The following SORBS2 variants were observed in gnomAD, a reference collection of about 807,000 sequenced individuals.
The protein encoded by SORBS2 is sorbin and SH3 domain-containing protein 2.
In SORBS2, 46 loss-of-function variants were observed where a neutral mutation model predicts 97.7. That is an observed-to-expected ratio of 0.47 (90% confidence interval 0.37 to 0.60). SORBS2 has a LOEUF of 0.60. Among genes scored for constraint, SORBS2 ranks in the 20% least tolerant of loss-of-function variants. SORBS2 has a pLI of 0.00. For synonymous variants in SORBS2, 476 were observed against 473.4 expected (o/e 1.01, Z -0.07); for missense variants, 1,316 against 1,282.3 (o/e 1.03, Z -0.40).
chr4:185,907,138 C>CA (rs1401461983), intron 1 of SORBS2, among the ~76,000 whole-genome samples: 902 of 68,564 alleles, frequency 0.013, 8 homozygotes, highest in African/African-American at 0.025. Context: ...TCCATCATAA[C>CA]AAAAAAAAAA....
intron 1 of SORBS2, among the ~76,000 whole-genome samples, chr4:185,903,586 C>A (rs576190102): frequency 6.6e-6 from 1 of 152,114 alleles, no homozygotes; most frequent in Non-Finnish European, 1.5e-5. Context: ...CCCCTGCCAC[C>A]GCCAGATATG....
intron 1 of SORBS2, among the ~76,000 whole-genome samples, chr4:185,884,002 G>C (rs1168784554): frequency 2.6e-5 from 4 of 152,174 alleles, no homozygotes; most frequent in Non-Finnish European, 5.9e-5. Flanking sequence ...AAACCCCAGA[G>C]ACAGAAGTCC....
chr4:185,827,815 AT>A (rs1314556360), intron 1 of SORBS2, among the ~76,000 whole-genome samples: 3 of 149,220 alleles, frequency 2.0e-5, no homozygotes, highest in East Asian at 4.0e-4. Flanking sequence ...CATCACCATC[AT>A]CACCGTCACC....
chr4:185,661,347 T>C (rs1410428781), upstream of SORBS2, among the ~76,000 whole-genome samples: 1 of 152,006 alleles, frequency 6.6e-6, no homozygotes, highest in Admixed American at 6.5e-5. Flanking sequence ...TGTAAGAGCA[T>C]TTCTATCACT....
chr4:185,716,022 C>T (rs1350319837), intron 2 of SORBS2, among the ~76,000 whole-genome samples: 1 of 152,204 alleles, frequency 6.6e-6, no homozygotes, highest in African/African-American at 2.4e-5. Flanking sequence ...GAAAGTAGTC[C>T]TCTTCCTCTT....
At chr4:185,839,925 G>A (rs1033877190) in intron 1 of SORBS2, among the ~76,000 whole-genome samples, 2 of 152,186 alleles carry the variant, frequency 1.3e-5, no homozygotes, top group African/African-American at 4.8e-5. Context: ...TAAGCAGAGT[G>A]GAGACATAAA....
chr4:185,657,448 G>A (rs777880459), upstream of SORBS2: 27 of 1,560,090 alleles, frequency 1.7e-5, no homozygotes, highest in East Asian at 2.4e-5. Context: ...TGGGGATTCC[G>A]GATTCATCCA....
intron 4 of SORBS2, among the ~76,000 whole-genome samples, chr4:185,673,296 G>A (rs1383345994): frequency 6.6e-6 from 1 of 152,160 alleles, no homozygotes; most frequent in Non-Finnish European, 1.5e-5. Context: ...TTACAAATTT[G>A]TTAAGAAGGC....
chr4:185,929,631 G>A (rs975432792), intron 1 of SORBS2, among the ~76,000 whole-genome samples: 22 of 151,748 alleles, frequency 1.4e-4, no homozygotes, highest in Middle Eastern at 3.4e-3. Context: ...CGCCTCCCGG[G>A]TTCAAGAGAT....
Position 185,649,675 on chromosome 4 carries a change from AAAGCAGACAAAAAACAG to A in SORBS2, c.92-36_92-20del, listed in dbSNP as rs771307610. 2 of 1,343,552 alleles carry A rather than the reference AAAGCAGACAAAAAACAG, an allele frequency of 1.5e-6. No individual in the cohort carries two copies. The highest frequency in any genetic ancestry group is 3.0e-5 in the Admixed American group (1 of 33,264). The allele number at this position is 1,343,552 out of a possible 1,614,324, so 83.2% of individuals were successfully genotyped here. ...TACAGACCTATCATGACAAAAAACAAAAGCAGACAAAAAACAGAAGCAAATCACCTCTTAAAAATGAA... is the reference window on the plus strand; with the variant it reads ...TACAGACCTATCATGACAAAAAACAAAAGCAAATCACCTCTTAAAAATGAA... On this transcript the variant is annotated intron_variant, in intron 2 of 14. Coordinates refer to ENST00000418609, the Ensembl canonical transcript of SORBS2.
intron 2 of SORBS2, among the ~76,000 whole-genome samples, chr4:185,650,916 C>G (rs1479369777): frequency 6.6e-6 from 1 of 152,020 alleles, no homozygotes; most frequent in East Asian, 1.9e-4. Flanking sequence ...GAGATAGGAG[C>G]ACAATCCCAA....
intron 2 of SORBS2, among the ~76,000 whole-genome samples, chr4:185,700,581 T>C (rs911907374): frequency 6.6e-6 from 1 of 152,194 alleles, no homozygotes; most frequent in Non-Finnish European, 1.5e-5. Context: ...AGCTAGAAGC[T>C]TCAATATTCC....
chr4:185,640,915 C>T (rs1161789682), intron 4 of SORBS2, among the ~76,000 whole-genome samples: 2 of 152,132 alleles, frequency 1.3e-5, no homozygotes, highest in East Asian at 3.9e-4. Flanking sequence ...ATTATTATAA[C>T]TTCTGTTTTC....
intron 2 of SORBS2, among the ~76,000 whole-genome samples, chr4:185,722,190 T>A (rs1315386441): frequency 6.6e-6 from 1 of 152,210 alleles, no homozygotes; most frequent in Non-Finnish European, 1.5e-5. Context: ...TATGATCACG[T>A]ATAAGCTTTA....
upstream of SORBS2, among the ~76,000 whole-genome samples, chr4:185,659,578 A>T (rs7694363): frequency 7.5e-6 from 1 of 133,752 alleles, no homozygotes; most frequent in Non-Finnish European, 1.7e-5. Context: ...CATCACGCCC[A>T]GCTAATTTTT....
intron 1 of SORBS2, among the ~76,000 whole-genome samples, chr4:185,777,952 T>C (rs140413561): frequency 1.2e-4 from 19 of 152,330 alleles, no homozygotes; most frequent in African/African-American, 3.9e-4. Flanking sequence ...TAGATTAATG[T>C]TGTCTCTTCC....
intron 4 of SORBS2, among the ~76,000 whole-genome samples, chr4:185,634,378 A>G (rs544657686): frequency 4.1e-4 from 62 of 152,324 alleles, no homozygotes; most frequent in African/African-American, 1.4e-3. Flanking sequence ...TTATTGTGTT[A>G]TAGTATTCAC....
chr4:185,600,078 G>A (rs1238024106), intron 12 of SORBS2, among the ~76,000 whole-genome samples: 1 of 152,226 alleles, frequency 6.6e-6, no homozygotes, highest in Non-Finnish European at 1.5e-5. Flanking sequence ...CAAGAAGTTA[G>A]TTAGCTCTCA....
At chr4:185,851,074 G>A (rs927154076) in intron 1 of SORBS2, among the ~76,000 whole-genome samples, 1 of 152,142 alleles carries the variant, frequency 6.6e-6, no homozygotes, top group Non-Finnish European at 1.5e-5. Flanking sequence ...TTTCCTGGCT[G>A]CCATAATCAC....
Sources: allele counts gnomAD v4.1 joint callset (sites outside exome capture counted in the v4.1 genomes callset), GRCh38; gene constraint gnomAD v4.1.1; transcripts MANE v1.5; gene names NCBI Gene and HGNC (gene_info 2026-07-23, HGNC 2026-07-21).